The following USP42 variants were observed in gnomAD, a reference collection of about 807,000 sequenced individuals.
USP42 encodes ubiquitin carboxyl-terminal hydrolase 42.
USP42 carries 23 observed loss-of-function variants against 113.0 expected under a neutral mutation model. The ratio of observed to expected loss-of-function variants is 0.20; its 90% CI spans 0.15 to 0.29. The LOEUF (loss-of-function observed/expected upper bound fraction) is 0.29. Ranked by LOEUF, USP42 falls within the 10% of genes least tolerant of loss-of-function variation. USP42 has a pLI of 1.00. For synonymous variants in USP42, 933 were observed against 699.0 expected, an observed-to-expected ratio of 1.33 and a Z score of -5.28; for missense variants, 2,174 against 1,779.8, an observed-to-expected ratio of 1.22 and a Z score of -3.99.
chr7:6,123,260 A>T (rs1216082434), intron 3 of USP42, among the ~76,000 whole-genome samples: 1 of 152,224 alleles, frequency 6.6e-6, no homozygotes, highest in Admixed American at 6.5e-5. Flanking sequence ...ATGATGGCTC[A>T]TGCCTGTAAT....
intron 14 of USP42, among the ~76,000 whole-genome samples, chr7:6,152,311 C>G (rs1409953255): frequency 1.3e-5 from 2 of 152,222 alleles, no homozygotes; most frequent in Admixed American, 6.5e-5. Flanking sequence ...TGGTGAAGTT[C>G]TGATCAAATC....
chr7:6,136,664 TTACTA>T (rs768310413), intron 4 of USP42, among the ~76,000 whole-genome samples: 84 of 152,308 alleles, frequency 5.5e-4, no homozygotes, highest in East Asian at 1.5e-3. Context: ...AATGAATACT[TTACTA>T]TACGCAGTGA....
In USP42 at chr7:6,158,090, T is replaced by C. The variant is rs928009421; in HGVS notation, c.3943+1035T>C. ...TGTATGAACTTGGAGTTAAGAATGG[T>C]TTTAACCTTTTTAAGTGGTTGGAAA... On this transcript the variant is annotated intron_variant, in intron 16 of 17. Transcript: ENST00000306177. This position sits in a 1 kb window ranked among gnomAD's most constrained non-coding sequence, Gnocchi z 4.2. Among the ~76,000 whole-genome samples the C allele has an allele frequency of 3.9e-5, 6 of 152,186 alleles. No individual in the cohort carries two copies. The highest frequency in any genetic ancestry group is 1.4e-4 in the African/African-American group (6 of 41,444).
At chr7:6,091,759 G>C in the USP42 span, among the ~76,000 whole-genome samples, 1 of 144,170 alleles carries the variant, frequency 6.9e-6, no homozygotes, top group Non-Finnish European at 1.5e-5. Flanking sequence ...AAATTTTTTT[G>C]GAGACAGTGG....
intron 3 of USP42, among the ~76,000 whole-genome samples, chr7:6,121,934 T>G (rs1780247549): frequency 6.6e-6 from 1 of 152,220 alleles, no homozygotes; most frequent in African/African-American, 2.4e-5. Flanking sequence ...GTGCTAGGAT[T>G]ATACCACCAT....
In USP42 at chr7:6,111,148, C is replaced by A; in HGVS notation, c.15C>A (p.Asp5Glu). 6.2e-7 allele frequency: 1 copy of A among 1,612,222 alleles called. No individual in the cohort carries two copies. Among genetic ancestry groups the A allele is most frequent in the Non-Finnish European group, 8.5e-7 (1 of 1,178,682 alleles). The change falls in exon 2 of 18, where the codon GAC becomes GAA. Residue 5 changes from aspartate (D) to glutamate (E), a missense_variant. Asp to Glu is a conservative substitution (Grantham distance 45, BLOSUM62 2). Transcript: ENST00000306177. MTIV[D>E]KASESSDPSA... is the part of the protein sequence containing the mutation. ...AGAGTTGAACAATGACCATAGTTGACAAAGCTTCTGAATCTTCAGACCCAT... is the reference window on the plus strand; with the variant it reads ...AGAGTTGAACAATGACCATAGTTGAAAAAGCTTCTGAATCTTCAGACCCAT...
chr7:6,109,111 T>C (rs1779451428), intron 1 of USP42, among the ~76,000 whole-genome samples: 2 of 152,064 alleles, frequency 1.3e-5, no homozygotes, highest in South Asian at 4.1e-4. Flanking sequence ...GGAATGGTGA[T>C]GTCAAGGAAA....
chr7:6,120,578 G>A lies in USP42; in HGVS notation c.442+5055G>A, dbSNP rs546719484. On this transcript the variant is annotated intron_variant, in intron 3 of 17. Coordinates refer to ENST00000306177, the MANE Select transcript of USP42 (RefSeq NM_032172.3). Reference sequence around the variant, plus strand: ...GCCTTTCAAAGTGTTGGGATTTCAGGCATGAGCCACTATGCCTGGCCTAGG... The same window carrying A: ...GCCTTTCAAAGTGTTGGGATTTCAGACATGAGCCACTATGCCTGGCCTAGG... Among the ~76,000 whole-genome samples the A allele has an allele frequency of 2.0e-5, 3 of 151,882 alleles. No individual in the cohort carries two copies. The East Asian group carries it at 5.9e-4, about 30-fold the overall frequency.
At chr7:6,127,635 A>G (rs1216519025) in intron 3 of USP42, among the ~76,000 whole-genome samples, 6 of 152,020 alleles carry the variant, frequency 3.9e-5, no homozygotes, top group African/African-American at 1.5e-4. Flanking sequence ...GTGATGATGT[A>G]TGTGTCCACC....
chr7:6,149,560 A>G (rs760978936), intron 12 of USP42, 23 bp from the exon 13 acceptor site: 4 of 1,594,866 alleles, frequency 2.5e-6, no homozygotes, highest in African/African-American at 1.3e-5. Flanking sequence ...AGCTCTGACC[A>G]GGTGCGCTCT....
the USP42 span, chr7:6,093,033 C>G: frequency 1.3e-5 from 2 of 150,602 alleles, no homozygotes; most frequent in Non-Finnish European, 2.9e-5. Context: ...AAACAGTGCT[C>G]TCTGTGACTG....
intron 3 of USP42, among the ~76,000 whole-genome samples, chr7:6,126,148 G>T (rs1158453705): frequency 6.6e-6 from 1 of 152,120 alleles, no homozygotes; most frequent in Non-Finnish European, 1.5e-5. Context: ...ACAGTGTTAC[G>T]TGAATTATAT....
chr7:6,103,768 A>T (rs1453461550), upstream of USP42, among the ~76,000 whole-genome samples: 1 of 150,508 alleles, frequency 6.6e-6, no homozygotes, highest in Non-Finnish European at 1.5e-5. Context: ...AAACTTAAAA[A>T]ATTAGTCGGG....
intron 3 of USP42, chr7:6,117,043 A>T (rs950582134): frequency 2.9e-6 from 1 of 342,098 alleles, no homozygotes; most frequent in Non-Finnish European, 5.6e-6. Context: ...CTGAAGTATA[A>T]TTGATATATA....
chr7:6,092,017 CTTCTTCT>C, the USP42 span, among the ~76,000 whole-genome samples: 1 of 104,636 alleles, frequency 9.6e-6, no homozygotes, highest in African/African-American at 3.8e-5. Flanking sequence ...TCTTCTTCTT[CTTCTTCT>C]TCTTCTTCTT....
Position 6,157,197 on chromosome 7 carries a change from C to G in USP42, c.3943+142C>G, listed in dbSNP as rs970457579. 7.0e-7 allele frequency: 1 copy of G among 1,431,448 alleles called. No homozygotes were observed. Among genetic ancestry groups the G allele is most frequent in the Non-Finnish European group, 9.1e-7 (1 of 1,098,018 alleles). 88.7% of individuals were successfully genotyped at this position (1,431,448 alleles called of 1,614,324 possible). On this transcript the variant is annotated intron_variant, in intron 16 of 17. Transcript: ENST00000306177. The surrounding 1 kb of genome is among the most constrained non-coding windows in gnomAD (Gnocchi z 4.1). ...TCAGAGCACCCCTGCCCTGCCTGGT[C>G]TGGCCTCAGTGCTCATCCCTGCAGT...
chr7:6,109,268 A>G (rs1009848265), intron 1 of USP42, among the ~76,000 whole-genome samples: 1 of 152,222 alleles, frequency 6.6e-6, no homozygotes, highest in Non-Finnish European at 1.5e-5. Flanking sequence ...AGACTTCAGC[A>G]TGGTGGGAAC....
chr7:6,159,095 C>G lies in USP42; in HGVS notation c.3944-355C>G, dbSNP rs1473306256. Among the ~76,000 whole-genome samples, 1 of 152,174 alleles carries G rather than the reference C, an allele frequency of 6.6e-6. No homozygotes were observed. Among genetic ancestry groups the G allele is most frequent in the South Asian group, 2.1e-4 (1 of 4,834 alleles). On this transcript the variant is annotated intron_variant, in intron 16 of 17. Transcript: ENST00000306177. The surrounding 1 kb of genome is among the most constrained non-coding windows in gnomAD (Gnocchi z 4.1). ...CCCGCCTCACCCAGCGTCCTGTGGT[C>G]CTGCGGGTCCCCCTCTACCCTGGAC...
chr7:6,092,094 T>C, the USP42 span, among the ~76,000 whole-genome samples: 7 of 140,502 alleles, frequency 5.0e-5, no homozygotes, highest in South Asian at 1.1e-3. Context: ...CTTCTTCTTC[T>C]TCCTCCTCTT....
Sources: allele counts gnomAD v4.1 joint callset (sites outside exome capture counted in the v4.1 genomes callset), GRCh38; gene constraint gnomAD v4.1.1; non-coding constraint Gnocchi (gnomAD v3.1); transcripts MANE v1.5; gene names NCBI Gene and HGNC (gene_info 2026-07-23, HGNC 2026-07-21).